Variants in CTBS observed in about 807,000 individuals in gnomAD.
CTBS encodes chitobiase, also known as di-N-acetylchitobiase.
In CTBS, 35 loss-of-function variants were observed where a neutral mutation model predicts 44.3. The ratio of observed to expected loss-of-function variants is 0.79; its 90% CI spans 0.60 to 1.05. The LOEUF (loss-of-function observed/expected upper bound fraction) is 1.05. Ranked by LOEUF, CTBS falls within the 50% of genes least tolerant of loss-of-function variation. CTBS has a pLI of 0.00. For missense variants in CTBS, 458 were observed against 475.3 expected (o/e 0.96, Z 0.34); for synonymous variants, 143 against 168.0 (o/e 0.85, Z 1.15).
At chr1:84,558,580 C>T (rs1165036342) in intron 6 of CTBS, among the ~76,000 whole-genome samples, 1 of 149,600 alleles carries the variant, frequency 6.7e-6, no homozygotes, top group Admixed American at 6.6e-5. Flanking sequence ...CGTGAGCCAC[C>T]GCGCCCGGCC....
intron 1 of CTBS, among the ~76,000 whole-genome samples, chr1:84,573,402 T>G (rs1441591379): frequency 1.3e-5 from 2 of 152,254 alleles, no homozygotes; most frequent in Admixed American, 1.3e-4. Flanking sequence ...AGTCTTTCTT[T>G]TAATAAGATG....
Position 84,553,078 on chromosome 1 carries a change from A to C in CTBS, c.*1921T>G. 6.5e-7 allele frequency: 1 copy of C among 1,531,302 alleles called. No homozygotes were observed. Among genetic ancestry groups the C allele is most frequent in the Non-Finnish European group, 8.8e-7 (1 of 1,140,360 alleles). The allele number at this position is 1,531,302 out of a possible 1,614,324, so 94.9% of individuals were successfully genotyped here. A position where few individuals can be genotyped will look rare whatever the true frequency, so the allele number is the denominator to read the frequency against. ...TCAGATTTACGAACATTGAAAACTG[A>C]ACTGGCACAGAAAAAAAAAATAATA... On this transcript the variant is annotated 3_prime_UTR_variant, in exon 7 of 7. Coordinates refer to ENST00000370630, the MANE Select transcript of CTBS (RefSeq NM_004388.3).
At chr1:84,559,892 C>G (rs940828744) in intron 6 of CTBS, among the ~76,000 whole-genome samples, 5 of 151,940 alleles carry the variant, frequency 3.3e-5, no homozygotes, top group African/African-American at 1.2e-4. Context: ...TGAGACCAGA[C>G]TGGCCTACAT....
In CTBS at chr1:84,570,071, A is replaced by C. The variant is rs181314711; in HGVS notation, c.385T>G (p.Leu129Val). 47 of 1,613,746 alleles carry C rather than the reference A, an allele frequency of 2.9e-5. No individual in the cohort carries two copies. The highest frequency in any genetic ancestry group is 2.2e-4 in the Admixed American group (13 of 59,986). The change falls in exon 3 of 7, where the codon TTG (leucine) becomes GTG (valine). Residue 129 changes from leucine (L) to valine (V), a missense_variant. Transcript: ENST00000370630. ...RASWIAQKLN[L>V]AKTQYMDGIN... ...CCATCCATATATTGTGTTTTGGCCA[A>C]ATTAAGTTTTTGAGCTATCCAGGAT... is the stretch of plus-strand genomic sequence containing the variant.
In CTBS at chr1:84,550,807, C is replaced by CA. The variant is rs572940816; in HGVS notation, c.*4191dup. On this transcript the variant is annotated 3_prime_UTR_variant, in exon 7 of 7. Coordinates refer to ENST00000370630, the MANE Select transcript of CTBS (RefSeq NM_004388.3). ...AGGAACCTGTGAGTCAATATATTCT[C>CA]AAAAAAAATTTTAAGTAGTTTTCCT... is the stretch of plus-strand genomic sequence containing the variant. 184 of 1,015,862 alleles carry CA rather than the reference C, an allele frequency of 1.8e-4. 1 individual carries two copies. The African/African-American group carries it at 2.8e-3, about 15-fold the overall frequency. 62.9% of individuals were successfully genotyped at this position (1,015,862 alleles called of 1,614,324 possible).
At position 84,549,841 on chromosome 1, in the gene CTBS, T is replaced by C. The variant is rs1273468909; in HGVS notation, c.*5158A>G. 1 of 150,696 alleles carries C rather than the reference T, an allele frequency of 6.6e-6. No homozygotes were observed. The highest frequency in any genetic ancestry group is 1.5e-5 in the Non-Finnish European group (1 of 67,786). 9.3% of individuals were successfully genotyped at this position (150,696 alleles called of 1,614,324 possible). ...AATTTAATATAAAGTCCAAATAGGC[T>C]CAAGTAATGGTTTGTCCATAGTAGT... is the stretch of plus-strand genomic sequence containing the variant. On this transcript the variant is annotated 3_prime_UTR_variant, in exon 7 of 7. Coordinates refer to ENST00000370630, the MANE Select transcript of CTBS (RefSeq NM_004388.3).
Position 84,573,837 on chromosome 1 carries a change from A to AAAAAAG in CTBS, c.177+401_177+402insCTTTTT, listed in dbSNP as rs1647385005. Reference sequence around the variant, plus strand: ...ACTAAAGGTAAGCAAAATACTCTGCATTCTAATGTACTGTTGGAGTGCTGA... The same window carrying AAAAAAG: ...ACTAAAGGTAAGCAAAATACTCTGCAAAAAAGTTCTAATGTACTGTTGGAGTGCTGA... On this transcript the variant is annotated intron_variant, in intron 1 of 6. Transcript: ENST00000370630. The AAAAAAG allele has an allele frequency of 3.9e-6, 4 of 1,012,952 alleles. No individual in the cohort carries two copies. The Admixed American group carries it at 2.3e-4, about 57-fold the overall frequency. 62.7% of individuals were successfully genotyped at this position (1,012,952 alleles called of 1,614,324 possible).
intron 3 of CTBS, among the ~76,000 whole-genome samples, chr1:84,568,439 A>G (rs1015957772): frequency 2.6e-5 from 4 of 152,156 alleles, no homozygotes; most frequent in African/African-American, 9.7e-5. Flanking sequence ...GATCTTCCCT[A>G]TTTGCATAAA....
rs1265149184 is a variant in CTBS at position 84,560,040 on chromosome 1, C to T, written c.957+3217G>A. Among the ~76,000 whole-genome samples, 7 of 139,316 alleles carry T rather than the reference C, an allele frequency of 5.0e-5. No individual in the cohort carries two copies. The East Asian group carries it at 1.5e-3, about 30-fold the overall frequency. The allele number at this position is 139,316 out of a possible 152,430, so 91.4% of individuals were successfully genotyped here. On this transcript the variant is annotated intron_variant, in intron 6 of 6. Transcript: ENST00000370630. ...CAGAGGGTGCAGTGAACCCAGAGGG[C>T]GCCACTGCACTACAGCCTGGGCGAC...
At chr1:84,562,922 T>G (rs1007063570) in intron 6 of CTBS, among the ~76,000 whole-genome samples, 1 of 152,188 alleles carries the variant, frequency 6.6e-6, no homozygotes, top group African/African-American at 2.4e-5. Context: ...TAGTAACTTA[T>G]TTTGGCCCAA....
chr1:84,562,757 A>T (rs1684618136), intron 6 of CTBS, among the ~76,000 whole-genome samples: 1 of 152,170 alleles, frequency 6.6e-6, no homozygotes. Context: ...GTAAGTTTTG[A>T]CATTGCTTTA....
rs940419660 is a variant in CTBS, at chr1:84,552,069, A to G, written c.*2930T>C. The G allele has an allele frequency of 1.3e-5, 2 of 152,198 alleles. No homozygotes were observed. The highest frequency in any genetic ancestry group is 1.3e-4 in the Admixed American group (2 of 15,270). The allele number at this position is 152,198 out of a possible 1,614,324, so 9.4% of individuals were successfully genotyped here. ...TTTTCAGCTTATAGGCTGGGGGGAA[A>G]AAATCCTGTATTTAACCATAGTGCC... On this transcript the variant is annotated 3_prime_UTR_variant, in exon 7 of 7. Transcript: ENST00000370630.
Position 84,563,819 on chromosome 1 carries a change from G to A in CTBS, c.711C>T (p.Tyr237=), listed in dbSNP as rs777433059. 5 of 1,606,664 alleles carry A rather than the reference G, an allele frequency of 3.1e-6. No homozygotes were observed. Among genetic ancestry groups the A allele is most frequent in the South Asian group, 1.1e-5 (1 of 89,962 alleles). Residue 237 remains tyrosine, a synonymous_variant, in exon 5 of 7, where the codon TAC becomes TAT. Transcript: ENST00000370630. Reference sequence around the variant, plus strand: ...TCTTAGGATTAATGCTCATCTTGATGTAGTCATTATATCCTAGTCAAGCAG... The same window carrying A: ...TCTTAGGATTAATGCTCATCTTGATATAGTCATTATATCCTAGTCAAGCAG... ...YNQTLTGYND[Y]IKMSINPKKL... is the part of the protein sequence containing the mutation.
At chr1:84,572,725 G>A (rs1160804992) in intron 1 of CTBS, among the ~76,000 whole-genome samples, 1 of 151,624 alleles carries the variant, frequency 6.6e-6, no homozygotes, top group Non-Finnish European at 1.5e-5. Context: ...GAGTGCAGTG[G>A]CGTGATCTTG....
rs1156481956 is a variant in CTBS at position 84,569,991 on chromosome 1, T to C, written c.465A>G (p.Ala155=). The C allele has an allele frequency of 1.2e-6, 2 of 1,613,306 alleles. No individual in the cohort carries two copies. The highest frequency in any genetic ancestry group is 1.7e-6 in the Non-Finnish European group (2 of 1,179,812). ...EVNCLSPEYD[A]LTALVKETTD... The stretch of plus-strand genomic sequence containing the variant: ...TAGTTTCTTTGACTAAAGCAGTTAA[T>C]GCATCATATTCAGGTGATAAACAAT... The change falls in exon 3 of 7, where the codon GCA becomes GCG. Residue 155 remains alanine, a synonymous_variant. Coordinates refer to ENST00000370630, the MANE Select transcript of CTBS (RefSeq NM_004388.3).
rs1386822986 is a variant in CTBS, at chr1:84,554,352, C to G, written c.*647G>C. 2 of 152,060 alleles carry G rather than the reference C, an allele frequency of 1.3e-5. No individual in the cohort carries two copies. Among genetic ancestry groups the G allele is most frequent in the Non-Finnish European group, 2.9e-5 (2 of 67,988 alleles). 9.4% of individuals were successfully genotyped at this position (152,060 alleles called of 1,614,324 possible). On this transcript the variant is annotated 3_prime_UTR_variant, in exon 7 of 7. Coordinates refer to ENST00000370630, the MANE Select transcript of CTBS (RefSeq NM_004388.3). ...ATTAGGTAGTTCTAACTTACCAATT[C>G]AAAATATTACTGTTACATTCTTCTA...
At chr1:84,568,461 G>A (rs1684737662) in intron 3 of CTBS, among the ~76,000 whole-genome samples, 1 of 152,164 alleles carries the variant, frequency 6.6e-6, no homozygotes, top group Non-Finnish European at 1.5e-5. Context: ...CCACAGAAAT[G>A]TCAGTCGTCA....
intron 1 of CTBS, among the ~76,000 whole-genome samples, chr1:84,572,343 C>T (rs559549518): frequency 6.6e-6 from 1 of 150,984 alleles, no homozygotes; most frequent in African/African-American, 2.4e-5. Context: ...TGTTTTCTGA[C>T]TCATATTTCT....
At chr1:84,562,310 G>T (rs1684610274) in intron 6 of CTBS, among the ~76,000 whole-genome samples, 2 of 152,250 alleles carry the variant, frequency 1.3e-5, no homozygotes, top group South Asian at 4.1e-4. Flanking sequence ...CACTGTTTAG[G>T]AAAGATAAGA....
Sources: gnomAD v4.1 joint callset for allele counts (sites outside exome capture counted in the v4.1 genomes callset) on GRCh38, gnomAD v4.1.1 for gene constraint, MANE v1.5 for transcripts, NCBI Gene and HGNC (gene_info 2026-07-23, HGNC 2026-07-21) for gene names.